The following NMNAT3 variants were observed in gnomAD, a reference collection of about 807,000 sequenced individuals.
NMNAT3 encodes the protein nicotinamide/nicotinic acid mononucleotide adenylyltransferase 3.
A neutral mutation model predicts 24.8 loss-of-function variants in NMNAT3; 21 were observed. That is an observed-to-expected ratio of 0.85 (90% CI 0.60 to 1.22). The LOEUF (loss-of-function observed/expected upper bound fraction) is 1.22. NMNAT3 is among the 50% of genes most tolerant of loss of function. NMNAT3 has a pLI of 0.00. For synonymous variants in NMNAT3, 136 were observed against 155.2 expected (o/e 0.88, Z 0.92); for missense variants, 387 against 436.6 (o/e 0.89, Z 1.01).
chr3:139,596,702 T>C (rs1289395021), intron 3 of NMNAT3, among the ~76,000 whole-genome samples: 2 of 151,730 alleles, frequency 1.3e-5, no homozygotes, highest in Non-Finnish European at 2.9e-5. Flanking sequence ...TATCCACCCA[T>C]TGGCATTTTC....
chr3:139,630,940 A>G (rs1327199679), intron 2 of NMNAT3, among the ~76,000 whole-genome samples: 3 of 152,120 alleles, frequency 2.0e-5, no homozygotes, highest in Non-Finnish European at 4.4e-5. Flanking sequence ...TTTTGACAAA[A>G]TATACATTGT....
chr3:139,640,098 T>C (rs1310328675), intron 1 of NMNAT3, among the ~76,000 whole-genome samples: 1 of 152,234 alleles, frequency 6.6e-6, no homozygotes, highest in Non-Finnish European at 1.5e-5. Flanking sequence ...TGTAGTCCCA[T>C]GCACCAGCAG....
At position 139,622,799 on chromosome 3, in the gene NMNAT3, T is replaced by C. The variant is rs1411913524; in HGVS notation, c.109+4817A>G. Among the ~76,000 whole-genome samples, 3 of 142,684 alleles carry C rather than the reference T, an allele frequency of 2.1e-5. No homozygotes were observed. The East Asian group carries it at 5.9e-4, about 28-fold the overall frequency. 93.6% of individuals were successfully genotyped at this position (142,684 alleles called of 152,430 possible). ...ATATATGATATATATATGATATATATGATATATATATAAAATGTATATATG... is the reference window on the plus strand; with the variant it reads ...ATATATGATATATATATGATATATACGATATATATATAAAATGTATATATG... On this transcript the variant is annotated intron_variant, in intron 3 of 6. Transcript: ENST00000643695.
At chr3:139,647,152 T>A (rs1497272) in intron 1 of NMNAT3, among the ~76,000 whole-genome samples, 2 of 152,232 alleles carry the variant, frequency 1.3e-5, no homozygotes, top group African/African-American at 4.8e-5. Flanking sequence ...AAAATGAAGA[T>A]GGGCACGTTT....
At chr3:139,638,100 C>G (rs567038054) in intron 1 of NMNAT3, 38 bp from the exon 2 acceptor site, 92 of 152,292 alleles carry the variant, frequency 6.0e-4, no homozygotes, top group African/African-American at 2.1e-3. Context: ...AACAGCAGAG[C>G]CCCAGGTTTG....
intron 3 of NMNAT3, among the ~76,000 whole-genome samples, chr3:139,597,416 T>C (rs2054532215): frequency 6.6e-6 from 1 of 152,208 alleles, no homozygotes; most frequent in Admixed American, 6.5e-5. Context: ...GGTATATTAA[T>C]AGATATCTTT....
At position 139,635,810 on chromosome 3, in the gene NMNAT3, A is replaced by G. The variant is rs562056337; in HGVS notation, c.-41+2153T>C. ...TGCGTCTTCAGCTGGGCATATTGCT[A>G]CCTTTCCCAATGTCTTTGGCAGTAG... On this transcript the variant is annotated intron_variant, in intron 2 of 6. Coordinates refer to ENST00000643695, the MANE Select transcript of NMNAT3 (RefSeq NM_001320510.2). 3.9e-5 allele frequency: 6 copies of G among 152,306 alleles called. No homozygotes were observed. In the South Asian group the frequency reaches 8.3e-4, roughly 21 times the overall value. The allele number at this position is 152,306 out of a possible 1,614,324, so 9.4% of individuals were successfully genotyped here. A position where few individuals can be genotyped will look rare whatever the true frequency, so the allele number is the denominator to read the frequency against.
intron 2 of NMNAT3, among the ~76,000 whole-genome samples, chr3:139,629,220 C>T (rs1039519545): frequency 9.9e-5 from 15 of 152,246 alleles, no homozygotes; most frequent in Admixed American, 3.3e-4. Flanking sequence ...TGAGCTGCCC[C>T]GTGGAGATGC....
intron 3 of NMNAT3, among the ~76,000 whole-genome samples, chr3:139,586,965 A>G (rs957595776): frequency 7.9e-5 from 12 of 152,232 alleles, no homozygotes; most frequent in African/African-American, 2.9e-4. Flanking sequence ...CCCTGCAGAG[A>G]TAAACCTAAT....
At chr3:139,628,271 G>A (rs1005037369) in intron 2 of NMNAT3, among the ~76,000 whole-genome samples, 2 of 152,168 alleles carry the variant, frequency 1.3e-5, no homozygotes, top group Non-Finnish European at 2.9e-5. Context: ...TATACAAAAT[G>A]TTTTATACTC....
chr3:139,600,907 C>T (rs1371915738), intron 3 of NMNAT3, among the ~76,000 whole-genome samples: 1 of 152,174 alleles, frequency 6.6e-6, no homozygotes, highest in Non-Finnish European at 1.5e-5. Flanking sequence ...CCAGCTGTGT[C>T]TCTCTGCCCA....
chr3:139,573,714 T>C, intron 5 of NMNAT3, 34 bp from the exon 6 acceptor site: 1 of 1,295,954 alleles, frequency 7.7e-7, no homozygotes. Context: ...AGGGTATGTC[T>C]GTCCTCCAGC....
At chr3:139,578,309 A>G (rs895009816) in intron 5 of NMNAT3, among the ~76,000 whole-genome samples, 3 of 152,348 alleles carry the variant, frequency 2.0e-5, no homozygotes. Flanking sequence ...TTCTAGATTT[A>G]TAGTCTTTTT....
At position 139,627,755 on chromosome 3, in the gene NMNAT3, G is replaced by A. The variant is rs776416600; in HGVS notation, c.-31C>T. ...CAGGCACATCCACACCTGTTGCAGT[G>A]GCCACCCTGCTTTTATGGGGACAAA... On this transcript the variant is annotated 5_prime_UTR_variant, in exon 3 of 7. Coordinates refer to ENST00000643695, the MANE Select transcript of NMNAT3 (RefSeq NM_001320510.2). The A allele has an allele frequency of 1.8e-5, 25 of 1,372,472 alleles. No homozygotes were observed. The highest frequency in any genetic ancestry group is 2.1e-5 in the Non-Finnish European group (21 of 996,416). The allele number at this position is 1,372,472 out of a possible 1,614,324, so 85.0% of individuals were successfully genotyped here.
intron 5 of NMNAT3, among the ~76,000 whole-genome samples, chr3:139,577,575 G>A (rs1408661466): frequency 6.6e-6 from 1 of 152,172 alleles, no homozygotes; most frequent in Non-Finnish European, 1.5e-5. Flanking sequence ...CTTGTTGGAT[G>A]ATCTATTCTC....
intron 5 of NMNAT3, chr3:139,575,594 T>G (rs2108071326): frequency 9.9e-7 from 1 of 1,006,362 alleles, no homozygotes; most frequent in East Asian, 1.0e-4. Context: ...TTGAAGGTCC[T>G]AGTTCAGGTT....
At chr3:139,570,449 C>A (rs986570414) in intron 6 of NMNAT3, 3 of 152,164 alleles carry the variant, frequency 2.0e-5, no homozygotes, top group African/African-American at 7.2e-5. Context: ...TTTTTCTGCT[C>A]TGTTTTTTTC....
At chr3:139,651,232 G>A (rs1303329109) in intron 1 of NMNAT3, among the ~76,000 whole-genome samples, 2 of 151,972 alleles carry the variant, frequency 1.3e-5, no homozygotes, top group Non-Finnish European at 2.9e-5. Context: ...ATAAATACCC[G>A]CACAGCATAA....
intron 1 of NMNAT3, among the ~76,000 whole-genome samples, chr3:139,670,630 T>G (rs1422146593): frequency 6.6e-6 from 1 of 152,246 alleles, no homozygotes; most frequent in African/African-American, 2.4e-5. Flanking sequence ...TACACGGATA[T>G]AACGCCATCA....
Sources: gnomAD v4.1 joint callset for allele counts (sites outside exome capture counted in the v4.1 genomes callset) on GRCh38, gnomAD v4.1.1 for gene constraint, MANE v1.5 for transcripts, NCBI Gene and HGNC (gene_info 2026-07-23, HGNC 2026-07-21) for gene names.